LINGO2: variants seen among roughly 807,000 people sequenced by gnomAD.
LINGO2 encodes leucine rich repeat and Ig domain containing 2, also known as leucine-rich repeat and immunoglobulin-like domain-containing nogo receptor-interacting protein 2.
Under a neutral mutation model 30.6 loss-of-function variants are expected in LINGO2, and 14 were observed. That is an observed-to-expected ratio of 0.46 (90% CI 0.30 to 0.72). LINGO2 has a LOEUF of 0.72. Ranked by LOEUF, LINGO2 falls within the 30% of genes least tolerant of loss-of-function variation. The pLI, the probability that LINGO2 is intolerant of heterozygous loss-of-function variation, is 0.07. For missense variants in LINGO2, 729 were observed against 751.7 expected (o/e 0.97, Z 0.35); for synonymous variants, 317 against 288.5 (o/e 1.10, Z -1.00).
chr9:28,048,633 G>A (rs1824530735), intron 4 of LINGO2, among the ~76,000 whole-genome samples: 1 of 150,536 alleles, frequency 6.6e-6, no homozygotes, highest in South Asian at 2.1e-4. Flanking sequence ...TTATTCTCTA[G>A]AATTTCTAAT....
exon 6 of LINGO2, chr9:27,949,039 T>C (rs1196795674): frequency 6.2e-7 from 1 of 1,614,098 alleles, no homozygotes; most frequent in Admixed American, 1.7e-5. Context: ...CCCATAGCTG[T>C]AGACACCAGT....
chr9:28,345,476 C>G (rs573384953), intron 3 of LINGO2, among the ~76,000 whole-genome samples: 2 of 152,128 alleles, frequency 1.3e-5, no homozygotes, highest in East Asian at 3.9e-4. Flanking sequence ...CCTATTGCAG[C>G]TTTATATCAA....
intron 3 of LINGO2, among the ~76,000 whole-genome samples, chr9:28,310,332 C>T (rs188137692): frequency 1.3e-5 from 2 of 151,982 alleles, no homozygotes; most frequent in Admixed American, 6.6e-5. Flanking sequence ...GTGTTATATC[C>T]ATGGAACAGA....
intron 1 of LINGO2, among the ~76,000 whole-genome samples, chr9:28,480,502 G>A (rs146140473): frequency 1.1e-4 from 16 of 152,074 alleles, no homozygotes; most frequent in Non-Finnish European, 1.2e-4. Context: ...ATTTCTGATA[G>A]GAATAAAGAG....
intron 3 of LINGO2, among the ~76,000 whole-genome samples, chr9:28,301,251 T>C (rs1276704309): frequency 1.3e-5 from 2 of 152,092 alleles, no homozygotes; most frequent in African/African-American, 4.8e-5. Context: ...TTTTGGTCCT[T>C]GGCCACCAGT....
the LINGO2 span, among the ~76,000 whole-genome samples, chr9:29,000,090 TC>T: frequency 6.6e-6 from 1 of 152,014 alleles, no homozygotes; most frequent in African/African-American, 2.4e-5. Flanking sequence ...GACGTAATTT[TC>T]CAGGGAGTAC....
chr9:28,921,356 A>T, the LINGO2 span, among the ~76,000 whole-genome samples: 1 of 151,168 alleles, frequency 6.6e-6, no homozygotes, highest in Non-Finnish European at 1.5e-5. Flanking sequence ...TTCCACCCCC[A>T]CCCCAGAGGC....
intron 4 of LINGO2, among the ~76,000 whole-genome samples, chr9:28,176,991 T>C (rs562186939): frequency 6.6e-6 from 1 of 152,352 alleles, no homozygotes; most frequent in Admixed American, 6.5e-5. Flanking sequence ...ACTTCCTCAT[T>C]TGTCAAGCTT....
chr9:27,954,726 G>T (rs1282313919), intron 5 of LINGO2, among the ~76,000 whole-genome samples: 1 of 152,122 alleles, frequency 6.6e-6, no homozygotes, highest in East Asian at 1.9e-4. Flanking sequence ...ACATACCCAA[G>T]ACTGGGAAGA....
chr9:27,963,250 A>G (rs2118613498), intron 5 of LINGO2, among the ~76,000 whole-genome samples: 1 of 152,210 alleles, frequency 6.6e-6, no homozygotes, highest in Non-Finnish European at 1.5e-5. Context: ...ATTATTTTTT[A>G]TAGGATAATG....
intron 4 of LINGO2, among the ~76,000 whole-genome samples, chr9:28,024,063 A>G (rs1489005950): frequency 6.6e-6 from 1 of 152,096 alleles, no homozygotes; most frequent in Non-Finnish European, 1.5e-5. Flanking sequence ...AAATGTCACC[A>G]ATTTTTCAGT....
chr9:28,062,658 G>GTATA (rs1175858264), intron 4 of LINGO2, among the ~76,000 whole-genome samples: 1 of 145,650 alleles, frequency 6.9e-6, no homozygotes, highest in African/African-American at 2.5e-5. Context: ...TATATATTTT[G>GTATA]TATATATACA....
At chr9:28,665,598 T>C (rs1199378300) in intron 1 of LINGO2, among the ~76,000 whole-genome samples, 1 of 152,146 alleles carries the variant, frequency 6.6e-6, no homozygotes, top group African/African-American at 2.4e-5. Context: ...TATTACTAAA[T>C]GCAAGCATGA....
chr9:28,586,021 C>T (rs540154627), intron 1 of LINGO2, among the ~76,000 whole-genome samples: 13 of 114,056 alleles, frequency 1.1e-4, no homozygotes, highest in South Asian at 1.0e-3. Flanking sequence ...TCCACCTGTA[C>T]ATTAATTTTG....
intron 1 of LINGO2, among the ~76,000 whole-genome samples, chr9:28,492,548 G>T (rs1826440663): frequency 6.6e-6 from 1 of 152,082 alleles, no homozygotes; most frequent in African/African-American, 2.4e-5. Flanking sequence ...AATGTTGGTT[G>T]TTTTTGTTAA....
At chr9:28,489,915 A>G (rs1463016743) in intron 1 of LINGO2, among the ~76,000 whole-genome samples, 1 of 151,286 alleles carries the variant, frequency 6.6e-6, no homozygotes, top group Non-Finnish European at 1.5e-5. Flanking sequence ...AAAAAAAAAA[A>G]AAAAAGTAAG....
At chr9:28,983,549 C>T in the LINGO2 span, among the ~76,000 whole-genome samples, 3 of 151,728 alleles carry the variant, frequency 2.0e-5, no homozygotes, top group Non-Finnish European at 2.9e-5. Flanking sequence ...TATAAAATTT[C>T]AATAACTTGA....
chr9:29,085,354 TAAG>T, the LINGO2 span, among the ~76,000 whole-genome samples: 1 of 149,290 alleles, frequency 6.7e-6, no homozygotes, highest in Admixed American at 6.7e-5. Flanking sequence ...TTTGCTGTCT[TAAG>T]AAAGACAAAA....
At chr9:28,685,059 T>A in the LINGO2 span, among the ~76,000 whole-genome samples, 1 of 152,136 alleles carries the variant, frequency 6.6e-6, no homozygotes, top group Non-Finnish European at 1.5e-5. Flanking sequence ...AGCTTCCACT[T>A]ATAACTGAGA....
Sources: gnomAD v4.1 joint callset for allele counts (sites outside exome capture counted in the v4.1 genomes callset) on GRCh38, gnomAD v4.1.1 for gene constraint, MANE v1.5 for transcripts, NCBI Gene and HGNC (gene_info 2026-07-23, HGNC 2026-07-21) for gene names.